Variants in DCAF17 observed in about 807,000 individuals in gnomAD.
The protein encoded by DCAF17 is DDB1- and CUL4-associated factor 17.
In DCAF17, 48 loss-of-function variants were observed where a neutral mutation model predicts 66.0. The observed-to-expected ratio is 0.73, with a 90% CI of 0.58 to 0.92. DCAF17 has a LOEUF of 0.92. DCAF17 is among the 40% of genes least tolerant of loss of function. DCAF17 has a pLI of 0.00. For missense variants in DCAF17, 562 were observed against 622.8 expected (o/e 0.90, Z 1.04); for synonymous variants, 206 against 214.6 (o/e 0.96, Z 0.35).
intron 6 of DCAF17, among the ~76,000 whole-genome samples, chr2:171,456,593 A>G (rs1390468943): frequency 6.6e-6 from 1 of 152,208 alleles, no homozygotes; most frequent in African/African-American, 2.4e-5. Context: ...GCTTTGGCCA[A>G]TATGGCCATT....
chr2:171,434,993 T>C (rs1693755898), intron 1 of DCAF17, 90 bp from the exon 2 acceptor site: 2 of 1,187,986 alleles, frequency 1.7e-6, no homozygotes, highest in Non-Finnish European at 2.4e-6. Context: ...TTTAAAATAA[T>C]ATAGGTGACA....
chr2:171,467,704 T>C (rs1695989296), intron 8 of DCAF17, among the ~76,000 whole-genome samples: 1 of 130,304 alleles, frequency 7.7e-6, no homozygotes, highest in African/African-American at 3.0e-5. Flanking sequence ...CACTCCAGCC[T>C]AGGTGACAGA....
chr2:171,462,112 AG>A (rs1208548496), intron 8 of DCAF17, among the ~76,000 whole-genome samples: 5 of 152,228 alleles, frequency 3.3e-5, no homozygotes, highest in Non-Finnish European at 5.9e-5. Context: ...GATGGATCAA[AG>A]ACTTAAAAGT....
At chr2:171,451,238 TCTA>T (rs1694935777) in intron 5 of DCAF17, among the ~76,000 whole-genome samples, 1 of 152,108 alleles carries the variant, frequency 6.6e-6, no homozygotes, top group African/African-American at 2.4e-5. Context: ...GTTGGCTACT[TCTA>T]CTTACTTTTT....
chr2:171,464,889 T>A (rs1287035025), intron 8 of DCAF17, among the ~76,000 whole-genome samples: 5 of 152,126 alleles, frequency 3.3e-5, no homozygotes, highest in Non-Finnish European at 7.4e-5. Context: ...GCAGTACCAG[T>A]GTTACTACTA....
intron 8 of DCAF17, among the ~76,000 whole-genome samples, chr2:171,465,020 A>T (rs1015492025): frequency 6.6e-6 from 1 of 151,994 alleles, no homozygotes; most frequent in Non-Finnish European, 1.5e-5. Context: ...ACATGGTGAA[A>T]CCCTGTCTCT....
Position 171,473,938 on chromosome 2 carries a change from T to C in DCAF17, c.1054T>C (p.Ser352Pro). The C allele has an allele frequency of 1.2e-6, 2 of 1,613,796 alleles. No individual in the cohort carries two copies. The highest frequency in any genetic ancestry group is 8.5e-7 in the Non-Finnish European group (1 of 1,179,834). Residue 352 changes from serine (S) to proline (P), a missense_variant, in exon 10 of 14, where the codon TCT becomes CCT. Coordinates refer to ENST00000375255, the MANE Select transcript of DCAF17 (RefSeq NM_025000.4). ...SDWIYFHPDA[S>P]GRIIHVGPNQ... ...CTGGATCTATTTCCATCCTGATGCT[T>C]CTGGTAGAATAATACATGTTGGTCC...
chr2:171,438,501 C>T (rs759888827), intron 2 of DCAF17, among the ~76,000 whole-genome samples: 39 of 152,184 alleles, frequency 2.6e-4, no homozygotes, highest in East Asian at 9.7e-4. Flanking sequence ...CATTTCTATC[C>T]GTGTTTGCCA....
chr2:171,468,698 T>C (rs1009251823), intron 8 of DCAF17, among the ~76,000 whole-genome samples, 190 bp from the exon 9 acceptor site: 7 of 152,216 alleles, frequency 4.6e-5, no homozygotes, highest in Non-Finnish European at 1.0e-4. Context: ...CTAATTTAGG[T>C]TCCGACTGGC....
intron 5 of DCAF17, 93 bp downstream of exon 5, chr2:171,450,050 T>G: frequency 9.1e-7 from 1 of 1,102,340 alleles, no homozygotes; most frequent in Non-Finnish European, 1.4e-6. Context: ...ATCTTTTATT[T>G]CTGAAGCATG....
At position 171,449,873 on chromosome 2, in the gene DCAF17, T is replaced by C; in HGVS notation, c.459-6T>C. 1 of 1,611,868 alleles carries C rather than the reference T, an allele frequency of 6.2e-7. No homozygotes were observed. The highest frequency in any genetic ancestry group is 8.5e-7 in the Non-Finnish European group (1 of 1,178,464). ...ATAAATAAACTTCTCTTCATTCTTT[T>C]AAAAGATACTTGAGCTGGGACACTC... On this transcript the variant is annotated splice_polypyrimidine_tract_variant and splice_region_variant and intron_variant, in intron 4 of 13. Transcript: ENST00000375255.
chr2:171,438,022 G>A (rs1398995458), intron 2 of DCAF17, among the ~76,000 whole-genome samples: 1 of 152,104 alleles, frequency 6.6e-6, no homozygotes, highest in Non-Finnish European at 1.5e-5. Flanking sequence ...TCTAAGCATT[G>A]TTTTTGTTGC....
intron 8 of DCAF17, among the ~76,000 whole-genome samples, chr2:171,463,301 TAAAA>T (rs1241166362): frequency 7.2e-5 from 9 of 125,730 alleles, no homozygotes; most frequent in Admixed American, 2.4e-4. Flanking sequence ...TACTATTAAG[TAAAA>T]AAAAAAAAAA....
intron 6 of DCAF17, among the ~76,000 whole-genome samples, chr2:171,454,878 A>G (rs1395397910): frequency 2.6e-5 from 4 of 151,230 alleles, no homozygotes; most frequent in African/African-American, 9.7e-5. Context: ...GCAAAACTCC[A>G]TCTCAAAAAA....
At position 171,484,092 on chromosome 2, in the gene DCAF17, G is replaced by C. The variant is rs1696857520; in HGVS notation, c.*2978G>C. ...CAGAAAATGTAGTTCTTCATTCAAT[G>C]GTTAGCAGTCATTAAAAGGTACTTT... On this transcript the variant is annotated 3_prime_UTR_variant, in exon 14 of 14. Coordinates refer to ENST00000375255, the MANE Select transcript of DCAF17 (RefSeq NM_025000.4). The C allele has an allele frequency of 2.2e-6, 1 of 453,774 alleles. No individual in the cohort carries two copies. The highest frequency in any genetic ancestry group is 4.4e-6 in the Non-Finnish European group (1 of 226,758). 28.1% of individuals were successfully genotyped at this position (453,774 alleles called of 1,614,324 possible).
chr2:171,481,010 G>A lies in DCAF17; in HGVS notation c.1459G>A (p.Val487Met), dbSNP rs1428300106. The change falls in exon 14 of 14, where the codon GTG becomes ATG. Residue 487 changes from valine to methionine, a missense_variant. By Grantham distance (21) the Val-to-Met change is conservative (BLOSUM62 1). Transcript: ENST00000375255. ...SHEVYFDRDLVLHIEQKPNRV... is the reference protein window; with the variant it reads ...SHEVYFDRDLMLHIEQKPNRV... ...TGAAGTCTACTTTGACAGAGACTTG[G>A]TGCTACACATAGAGCAGAAACCCAA... is the stretch of plus-strand genomic sequence containing the variant. 1.9e-6 allele frequency: 3 copies of A among 1,613,778 alleles called. No homozygotes were observed. The highest frequency in any genetic ancestry group is 1.7e-5 in the Admixed American group (1 of 60,000).
At chr2:171,440,251 A>G (rs1487584463) in intron 2 of DCAF17, among the ~76,000 whole-genome samples, 1 of 152,058 alleles carries the variant, frequency 6.6e-6, no homozygotes, top group Non-Finnish European at 1.5e-5. Context: ...ATGCCTTGTC[A>G]TTTTTTTGGT....
intron 2 of DCAF17, among the ~76,000 whole-genome samples, chr2:171,439,764 C>T (rs751442905): frequency 1.1e-4 from 16 of 151,760 alleles, no homozygotes; most frequent in African/African-American, 2.7e-4. Context: ...CCCATCTCTA[C>T]TAAAAAAACA....
In DCAF17 at chr2:171,435,229, T is replaced by C. The variant is rs1041631919; in HGVS notation, c.230+43T>C. The C allele has an allele frequency of 8.6e-6, 12 of 1,389,666 alleles. No individual in the cohort carries two copies. The African/African-American group carries it at 1.1e-4, about 13-fold the overall frequency. The allele number at this position is 1,389,666 out of a possible 1,614,324, so 86.1% of individuals were successfully genotyped here. ...ATTTTGCTGTAATTCACCTCACTGT[T>C]GATCTTAACTATAATTTGTATAGAA... On this transcript the variant is annotated intron_variant, in intron 2 of 13. Transcript: ENST00000375255.
Sources: allele counts gnomAD v4.1 joint callset (sites outside exome capture counted in the v4.1 genomes callset), GRCh38; gene constraint gnomAD v4.1.1; transcripts MANE v1.5; gene names NCBI Gene and HGNC (gene_info 2026-07-23, HGNC 2026-07-21).